The following LGALS8 variants were observed in gnomAD, a reference collection of about 807,000 sequenced individuals.
LGALS8 encodes galectin-8.
In LGALS8, 30 loss-of-function variants were observed where a neutral mutation model predicts 35.9. The observed-to-expected ratio is 0.83, with a 90% CI of 0.62 to 1.13. The LOEUF (loss-of-function observed/expected upper bound fraction) is 1.13, where lower values mean the gene tolerates loss of function less well. LGALS8 is among the 50% of genes most tolerant of loss of function. LGALS8 has a pLI of 0.00. For missense variants in LGALS8, 366 were observed against 388.7 expected (o/e 0.94, Z 0.49); for synonymous variants, 138 against 136.1 (o/e 1.01, Z -0.10).
intron 2 of LGALS8, among the ~76,000 whole-genome samples, chr1:236,537,144 G>C (rs1395097788): frequency 1.3e-5 from 2 of 151,368 alleles, no homozygotes; most frequent in Admixed American, 6.6e-5. Flanking sequence ...AGCCTCCCGA[G>C]TAGCTGGGAC....
chr1:236,544,054 C>T (rs1040321310), intron 8 of LGALS8, among the ~76,000 whole-genome samples: 1 of 152,070 alleles, frequency 6.6e-6, no homozygotes, highest in Non-Finnish European at 1.5e-5. Flanking sequence ...TCAAGCCATT[C>T]TCCTACCTCA....
chr1:236,528,314 G>A (rs1660934153), intron 2 of LGALS8, among the ~76,000 whole-genome samples: 1 of 151,088 alleles, frequency 6.6e-6, no homozygotes, highest in Non-Finnish European at 1.5e-5. Flanking sequence ...CCTGGGAGGC[G>A]GAGGTTGCAG....
At chr1:236,528,057 T>C (rs1056368707) in intron 2 of LGALS8, among the ~76,000 whole-genome samples, 1 of 151,542 alleles carries the variant, frequency 6.6e-6, no homozygotes, top group African/African-American at 2.4e-5. Flanking sequence ...TTAAAGATAA[T>C]CAATTAGTAT....
rs1662685788 is a variant in LGALS8, at chr1:236,550,645, G to A, written c.*2484G>A. 2 of 403,382 alleles carry A rather than the reference G, an allele frequency of 5.0e-6. No individual in the cohort carries two copies. The highest frequency in any genetic ancestry group is 4.1e-5 in the Admixed American group (1 of 24,674). 25.0% of individuals were successfully genotyped at this position (403,382 alleles called of 1,614,324 possible). A position where few individuals can be genotyped will look rare whatever the true frequency, so the allele number is the denominator to read the frequency against. On this transcript the variant is annotated 3_prime_UTR_variant, in exon 10 of 10. Coordinates refer to ENST00000366584, the MANE Select transcript of LGALS8 (RefSeq NM_201544.4). ...ATCAATCAGGAAGAGAATAATAAAT[G>A]TTTAAACAAACACAGCAGTCTGTAT... is the stretch of plus-strand genomic sequence containing the variant.
At chr1:236,537,034 T>TTTTTTTTTTTTTTTA (rs1661566425) in intron 2 of LGALS8, among the ~76,000 whole-genome samples, 5 of 144,966 alleles carry the variant, frequency 3.4e-5, no homozygotes, top group African/African-American at 1.0e-4. Context: ...TTTTTTTTTT[T>TTTTTTTTTTTTTTTA]GAGACGGAGC....
chr1:236,530,212 T>G (rs1247649017), intron 2 of LGALS8, among the ~76,000 whole-genome samples: 1 of 152,218 alleles, frequency 6.6e-6, no homozygotes, highest in Non-Finnish European at 1.5e-5. Context: ...TGGTACCCAG[T>G]TTTCTTAGGA....
In LGALS8 at chr1:236,526,951, C is replaced by T. The variant is rs988976022; in HGVS notation, c.45+836C>T. Among the ~76,000 whole-genome samples, 8 of 152,070 alleles carry T rather than the reference C, an allele frequency of 5.3e-5. No individual in the cohort carries two copies. The highest frequency in any genetic ancestry group is 3.9e-4 in the Admixed American group (6 of 15,266). ...ATGTCATTGTGTAAGAATGAGGTAT[C>T]GCTGCTGTATCAAGCAAAGTCAGTT... On this transcript the variant is annotated intron_variant, in intron 2 of 9. Coordinates refer to ENST00000366584, the MANE Select transcript of LGALS8 (RefSeq NM_201544.4). The surrounding 1 kb of genome is among the most constrained non-coding windows in gnomAD (Gnocchi z 4.6).
At chr1:236,519,299 G>A (rs1164211427), upstream of LGALS8, among the ~76,000 whole-genome samples, 2 of 151,700 alleles carry the variant, frequency 1.3e-5, no homozygotes, top group Non-Finnish European at 2.9e-5. Flanking sequence ...GCTGAGGTGG[G>A]AGGATCACTT....
At chr1:236,539,196 T>C (rs990851531) in intron 4 of LGALS8, 107 bp downstream of exon 4, 4 of 913,984 alleles carry the variant, frequency 4.4e-6, no homozygotes, top group East Asian at 2.6e-5. Context: ...ACCTGAGATA[T>C]AGTTTGTTTG....
Position 236,531,829 on chromosome 1 carries a change from A to G in LGALS8, c.46-5668A>G, listed in dbSNP as rs151174007. Among the ~76,000 whole-genome samples, 1,333 of 152,274 alleles carry G rather than the reference A, an allele frequency of 8.8e-3. 21 individuals are homozygous for G. The highest frequency in any genetic ancestry group is 0.031 in the African/African-American group (1,274 of 41,556). On this transcript the variant is annotated intron_variant, in intron 2 of 9. Transcript: ENST00000366584. ...CACCCAGTTTTGATGACTCACCAGC[A>G]TAGAGTTGTACTTGTGCCTATGATT...
chr1:236,525,465 C>T (rs1202627969), intron 1 of LGALS8: 1 of 151,206 alleles, frequency 6.6e-6, no homozygotes, highest in East Asian at 1.9e-4. Context: ...TGCAGTGGCA[C>T]AATCTCGGCT....
intron 2 of LGALS8, among the ~76,000 whole-genome samples, chr1:236,529,912 CA>C (rs1322190502): frequency 6.6e-6 from 1 of 152,174 alleles, no homozygotes; most frequent in East Asian, 1.9e-4. Flanking sequence ...CTCGGCCTCC[CA>C]AAGTGCTAGG....
chr1:236,540,398 C>A, intron 4 of LGALS8, 166 bp from the exon 5 acceptor site: 1 of 605,540 alleles, frequency 1.7e-6, no homozygotes, highest in Non-Finnish European at 2.6e-6. Context: ...GGAAGCACTG[C>A]TAGTGTTTTG....
intron 8 of LGALS8, among the ~76,000 whole-genome samples, chr1:236,543,923 G>A (rs918303309): frequency 3.3e-5 from 5 of 149,710 alleles, no homozygotes; most frequent in African/African-American, 1.2e-4. Flanking sequence ...CTCCAGAGCA[G>A]CCCCGTAAGA....
intron 1 of LGALS8, 56 bp downstream of exon 1, chr1:236,524,117 G>T: frequency 2.2e-6 from 1 of 456,542 alleles, no homozygotes. Flanking sequence ...AGGCGTGGCT[G>T]CTCTGAGGGT....
intron 4 of LGALS8, 23 bp from the exon 5 acceptor site, chr1:236,540,541 C>T (rs575624150): frequency 6.7e-7 from 1 of 1,495,580 alleles, no homozygotes; most frequent in Middle Eastern, 1.8e-4. Flanking sequence ...GCGGGGGGGG[C>T]TCTGTCTTCT....
At chr1:236,539,228 A>G in intron 4 of LGALS8, 139 bp downstream of exon 4, 1 of 697,250 alleles carries the variant, frequency 1.4e-6, no homozygotes, top group South Asian at 1.9e-5. Flanking sequence ...TTTCTCCATA[A>G]AAGGACCAGG....
chr1:236,525,698 C>T (rs1346384627), intron 1 of LGALS8, among the ~76,000 whole-genome samples: 2 of 152,136 alleles, frequency 1.3e-5, no homozygotes, highest in African/African-American at 2.4e-5. Flanking sequence ...GCCACCATGC[C>T]TGGCCTATTT....
At position 236,549,965 on chromosome 1, in the gene LGALS8, T is replaced by A. The variant is rs999856295; in HGVS notation, c.*1804T>A. On this transcript the variant is annotated 3_prime_UTR_variant, in exon 10 of 10. Coordinates refer to ENST00000366584, the MANE Select transcript of LGALS8 (RefSeq NM_201544.4). ...GCCACATTTCTGCATTAAACTTCTA[T>A]ATTAGCTTCAAAGGCTTTTAAACTC... 1.7e-4 allele frequency: 26 copies of A among 152,238 alleles called. No individual in the cohort carries two copies. Among genetic ancestry groups the A allele is most frequent in the African/African-American group, 6.3e-4 (26 of 41,466 alleles). The allele number at this position is 152,238 out of a possible 1,614,324, so 9.4% of individuals were successfully genotyped here.
Sources: allele counts gnomAD v4.1 joint callset (sites outside exome capture counted in the v4.1 genomes callset), GRCh38; gene constraint gnomAD v4.1.1; non-coding constraint Gnocchi (gnomAD v3.1); transcripts MANE v1.5; gene names NCBI Gene and HGNC (gene_info 2026-07-23, HGNC 2026-07-21).